The following BMERB1 variants were observed in gnomAD, a reference collection of about 807,000 sequenced individuals.
BMERB1 encodes the protein bMERB domain-containing protein 1.
In BMERB1, 12 loss-of-function variants were observed where a neutral mutation model predicts 23.6. The ratio of observed to expected loss-of-function variants is 0.51; its 90% CI spans 0.33 to 0.82. The LOEUF (loss-of-function observed/expected upper bound fraction) is 0.82, where lower values mean the gene tolerates loss of function less well. BMERB1 is among the 40% of genes least tolerant of loss of function. BMERB1 has a pLI of 0.03. For missense variants in BMERB1, 247 were observed against 255.4 expected (o/e 0.97, Z 0.22); for synonymous variants, 122 against 96.6 (o/e 1.26, Z -1.54).
intron 2 of BMERB1, among the ~76,000 whole-genome samples, chr16:15,552,950 A>C (rs932491153): frequency 1.3e-5 from 2 of 152,098 alleles, no homozygotes; most frequent in African/African-American, 4.8e-5. Flanking sequence ...AAGGCAGGAG[A>C]ATGGCTTCAG....
chr16:15,545,870 C>T (rs985945467), intron 2 of BMERB1, among the ~76,000 whole-genome samples: 1 of 152,084 alleles, frequency 6.6e-6, no homozygotes, highest in African/African-American at 2.4e-5. Context: ...CAACTTTTTT[C>T]CATTACAGGA....
At chr16:15,553,434 C>T (rs926927241) in intron 2 of BMERB1, among the ~76,000 whole-genome samples, 1 of 152,216 alleles carries the variant, frequency 6.6e-6, no homozygotes, top group Middle Eastern at 3.2e-3. Flanking sequence ...TGATTACACT[C>T]CTGTAAGTTC....
intron 3 of BMERB1, among the ~76,000 whole-genome samples, chr16:15,578,612 T>C (rs2030930993): frequency 6.6e-6 from 1 of 152,020 alleles, no homozygotes; most frequent in African/African-American, 2.4e-5. Flanking sequence ...TAAACAACAT[T>C]TATTACAGTT....
intron 1 of BMERB1, among the ~76,000 whole-genome samples, chr16:15,470,224 T>C (rs1436994462): frequency 6.6e-6 from 1 of 152,216 alleles, no homozygotes; most frequent in Non-Finnish European, 1.5e-5. Context: ...TCTGCATCAA[T>C]TGATACAATT....
chr16:15,527,711 G>C (rs1305506435), intron 2 of BMERB1, among the ~76,000 whole-genome samples: 1 of 152,142 alleles, frequency 6.6e-6, no homozygotes, highest in Non-Finnish European at 1.5e-5. Flanking sequence ...GGAAGGTACA[G>C]TATCTGATAT....
At chr16:15,574,507 C>T (rs191635997) in intron 3 of BMERB1, among the ~76,000 whole-genome samples, 1 of 152,122 alleles carries the variant, frequency 6.6e-6, no homozygotes, top group East Asian at 1.9e-4. Flanking sequence ...ACAAGGACAG[C>T]TTGGAGGTTA....
rs1189958162 is a variant in BMERB1 at position 15,518,615 on chromosome 16, T to C, written c.230+3187T>C. Among the ~76,000 whole-genome samples, 6 of 152,312 alleles carry C rather than the reference T, an allele frequency of 3.9e-5. No individual in the cohort carries two copies. In the East Asian group the frequency reaches 1.2e-3, roughly 29 times the overall value. On this transcript the variant is annotated intron_variant, in intron 2 of 5. Coordinates refer to ENST00000300006, the MANE Select transcript of BMERB1 (RefSeq NM_033201.3). Reference sequence around the variant, plus strand: ...CACTTTCTTGGCTGTTCCTCAGAGATGGTTTTTCCCGAAGCTGTGGGGCTT... The same window carrying C: ...CACTTTCTTGGCTGTTCCTCAGAGACGGTTTTTCCCGAAGCTGTGGGGCTT...
intron 2 of BMERB1, among the ~76,000 whole-genome samples, chr16:15,563,455 G>C (rs368327607): frequency 6.6e-6 from 1 of 151,922 alleles, no homozygotes; most frequent in East Asian, 1.9e-4. Flanking sequence ...TCCTGACCTC[G>C]TGATCTGCCC....
At chr16:15,524,552 G>C (rs1198274204) in intron 2 of BMERB1, among the ~76,000 whole-genome samples, 3 of 152,146 alleles carry the variant, frequency 2.0e-5, no homozygotes, top group Non-Finnish European at 4.4e-5. Context: ...TGGATCACCT[G>C]AAATCAGGAG....
intron 3 of BMERB1, among the ~76,000 whole-genome samples, chr16:15,570,235 C>T (rs549813680): frequency 7.9e-5 from 12 of 152,286 alleles, no homozygotes; most frequent in Non-Finnish European, 1.6e-4. Context: ...GCCGGGCTTG[C>T]AGTGATGAAC....
chr16:15,531,530 A>G (rs890295586), intron 2 of BMERB1, among the ~76,000 whole-genome samples: 4 of 152,192 alleles, frequency 2.6e-5, no homozygotes, highest in African/African-American at 9.7e-5. Flanking sequence ...AGCAGGAGCC[A>G]CAGTGTGGCA....
chr16:15,440,451 C>T (rs2050930541), intron 1 of BMERB1, among the ~76,000 whole-genome samples: 1 of 151,938 alleles, frequency 6.6e-6, no homozygotes, highest in African/African-American at 2.4e-5. Context: ...GTTTCATAAA[C>T]AGTGTGGAGG....
chr16:15,558,124 A>C lies in BMERB1; in HGVS notation c.231-9859A>C, dbSNP rs140536151. ...GTCAGTGGGGTGGCCCCAGGATGCT[A>C]TCAAGGGTCTGGCTGTTTCCTTTCC... On this transcript the variant is annotated intron_variant, in intron 2 of 5. Transcript: ENST00000300006. 3.5e-3 allele frequency among the ~76,000 whole-genome samples: 538 copies of C among 152,226 alleles called. 3 individuals carry two copies. The highest frequency in any genetic ancestry group is 0.013 in the African/African-American group (521 of 41,542).
At chr16:15,492,509 G>T (rs779572355) in intron 1 of BMERB1, among the ~76,000 whole-genome samples, 28 of 152,204 alleles carry the variant, frequency 1.8e-4, no homozygotes, top group Non-Finnish European at 3.5e-4. Flanking sequence ...CAAAGAGGAA[G>T]TGAAAGGAGA....
At chr16:15,567,591 T>C (rs1469306152) in intron 2 of BMERB1, among the ~76,000 whole-genome samples, 3 of 152,058 alleles carry the variant, frequency 2.0e-5, no homozygotes, top group African/African-American at 7.2e-5. Flanking sequence ...CTACTAAAAA[T>C]ACTACTAAAA....
intron 1 of BMERB1, among the ~76,000 whole-genome samples, chr16:15,494,696 A>G (rs928539340): frequency 1.3e-5 from 2 of 152,142 alleles, no homozygotes; most frequent in African/African-American, 4.8e-5. Flanking sequence ...TGATCAAATG[A>G]AATTTAATGT....
chr16:15,524,885 G>T (rs1296229592), intron 2 of BMERB1, among the ~76,000 whole-genome samples: 1 of 152,094 alleles, frequency 6.6e-6, no homozygotes, highest in Non-Finnish European at 1.5e-5. Flanking sequence ...TAGAAGTTCC[G>T]TCTTCCTAGA....
chr16:15,510,453 C>T (rs998597938), intron 1 of BMERB1, among the ~76,000 whole-genome samples: 6 of 152,220 alleles, frequency 3.9e-5, no homozygotes, highest in East Asian at 3.9e-4. Flanking sequence ...AGAGCAGGTG[C>T]GGCGGTCATA....
intron 1 of BMERB1, among the ~76,000 whole-genome samples, chr16:15,482,360 T>A (rs2078930095): frequency 1.3e-5 from 2 of 152,054 alleles, no homozygotes. Context: ...AGCCATGAGG[T>A]GAGCAGAGAC....
Sources: gnomAD v4.1 joint callset for allele counts (sites outside exome capture counted in the v4.1 genomes callset) on GRCh38, gnomAD v4.1.1 for gene constraint, MANE v1.5 for transcripts, NCBI Gene and HGNC (gene_info 2026-07-23, HGNC 2026-07-21) for gene names.